The following TMEM40 variants were observed in gnomAD, a reference collection of about 807,000 sequenced individuals.
TMEM40 encodes the protein transmembrane protein 40.
A neutral mutation model predicts 40.8 loss-of-function variants in TMEM40; 34 were observed. The observed-to-expected ratio is 0.83, with a 90% CI of 0.63 to 1.11. The LOEUF is 1.11. Among genes scored for constraint, TMEM40 ranks in the 50% least tolerant of loss-of-function variants. The pLI, the probability that TMEM40 is intolerant of heterozygous loss-of-function variation, is 0.00. For synonymous variants in TMEM40, 106 were observed against 107.0 expected (o/e 0.99, Z 0.06); for missense variants, 296 against 280.2 (o/e 1.06, Z -0.40).
chr3:12,735,531 A>G, intron 11 of TMEM40, 24 bp downstream of exon 11: 3 of 1,609,266 alleles, frequency 1.9e-6, no homozygotes, highest in Non-Finnish European at 2.6e-6. Context: ...AAATGAGTGA[A>G]CACAGGAAGA....
chr3:12,740,356 C>G (rs2061372115), intron 5 of TMEM40, among the ~76,000 whole-genome samples: 1 of 151,148 alleles, frequency 6.6e-6, no homozygotes, highest in Non-Finnish European at 1.5e-5. Context: ...TCCCAAAGTG[C>G]TGGGATTACA....
Position 12,743,965 on chromosome 3 carries a change from G to A in TMEM40, c.236C>T (p.Pro79Leu), listed in dbSNP as rs138475655. Residue 79 changes from proline (P) to leucine (L), a missense_variant, in exon 4 of 12, where the codon CCC becomes CTC. By Grantham distance (98) the Pro-to-Leu change is moderately conservative. Coordinates refer to ENST00000314124, the MANE Select transcript of TMEM40 (RefSeq NM_018306.4). ...CCGTCGATGTTTTCCGGTTGCTCTG[G>A]GTTGCTGGTCCTCATCATTGCTCTC... ...SSESNDEDQQ[P>L]RATGKHRRSL... is the part of the protein sequence containing the mutation. 1 of 1,613,196 alleles carries A rather than the reference G, an allele frequency of 6.2e-7. No homozygotes were observed. Among genetic ancestry groups the A allele is most frequent in the South Asian group, 1.1e-5 (1 of 90,648 alleles).
At chr3:12,757,085 A>G (rs553936123) in intron 1 of TMEM40, among the ~76,000 whole-genome samples, 1 of 152,168 alleles carries the variant, frequency 6.6e-6, no homozygotes, top group Admixed American at 6.5e-5. Context: ...CTCAACATAC[A>G]GTGACAAATA....
intron 1 of TMEM40, among the ~76,000 whole-genome samples, chr3:12,757,464 C>T (rs1309279901): frequency 4.2e-5 from 6 of 141,854 alleles, no homozygotes; most frequent in Middle Eastern, 3.4e-3. Flanking sequence ...ACTGAAACTC[C>T]GTCTCAAAAA....
At chr3:12,739,299 T>C (rs182102547) in intron 5 of TMEM40, 1 of 152,192 alleles carries the variant, frequency 6.6e-6, no homozygotes, top group East Asian at 1.9e-4. Flanking sequence ...ATATATATTT[T>C]TTTGAGACAG....
chr3:12,747,148 G>C (rs1366055750), intron 3 of TMEM40, among the ~76,000 whole-genome samples: 2 of 151,774 alleles, frequency 1.3e-5, no homozygotes, highest in Non-Finnish European at 2.9e-5. Flanking sequence ...TTTGGGCCTT[G>C]GTCTCAGCAT....
intron 1 of TMEM40, among the ~76,000 whole-genome samples, chr3:12,767,966 T>G (rs184410906): frequency 1.3e-5 from 2 of 152,142 alleles, no homozygotes; most frequent in Admixed American, 1.3e-4. Context: ...AGGACCATCA[T>G]TGCCCCTCAG....
intron 1 of TMEM40, among the ~76,000 whole-genome samples, chr3:12,755,237 T>TCTCTCTC (rs1559533397): frequency 6.4e-5 from 3 of 46,598 alleles, no homozygotes; most frequent in African/African-American, 2.6e-4. Context: ...CTCTCTCTCT[T>TCTCTCTC]TCTTTCTTTC....
At chr3:12,743,375 G>A (rs1202831922) in intron 4 of TMEM40, among the ~76,000 whole-genome samples, 1 of 152,186 alleles carries the variant, frequency 6.6e-6, no homozygotes, top group African/African-American at 2.4e-5. Flanking sequence ...GCTGAAGCGG[G>A]AGAATCACTT....
In TMEM40 at chr3:12,750,434, G is replaced by A. The variant is rs989128597; in HGVS notation, c.-8-594C>T. 4.6e-5 allele frequency among the ~76,000 whole-genome samples: 7 copies of A among 152,234 alleles called. No individual in the cohort carries two copies. In the East Asian group the frequency reaches 1.2e-3, roughly 25 times the overall value. Reference sequence around the variant, plus strand: ...CCACCTGCCACCTCTTGACAGCTACGTGCACAGGAAAGAAGTTTCTTTTAA... The same window carrying A: ...CCACCTGCCACCTCTTGACAGCTACATGCACAGGAAAGAAGTTTCTTTTAA... On this transcript the variant is annotated intron_variant, in intron 1 of 11. Transcript: ENST00000314124.
chr3:12,738,431 G>T (rs886536156), intron 6 of TMEM40, 122 bp downstream of exon 6: 2 of 1,174,106 alleles, frequency 1.7e-6, no homozygotes, highest in East Asian at 4.7e-5. Context: ...AAGTGGACCT[G>T]GGGCTCCTGT....
chr3:12,742,439 T>C lies in TMEM40; in HGVS notation c.355+15A>G, dbSNP rs1298921026. The C allele has an allele frequency of 8.1e-6, 13 of 1,612,914 alleles. No homozygotes were observed. The highest frequency in any genetic ancestry group is 1.3e-5 in the African/African-American group (1 of 74,898). On this transcript the variant is annotated intron_variant, in intron 5 of 11. Coordinates refer to ENST00000314124, the MANE Select transcript of TMEM40 (RefSeq NM_018306.4). ...GTCTAATTGTTTTCTCCAAAGCTAC[T>C]GGGCAACTGATTACCTCCATAGAGT...
At chr3:12,767,627 C>A (rs2061600128) in intron 1 of TMEM40, among the ~76,000 whole-genome samples, 1 of 152,186 alleles carries the variant, frequency 6.6e-6, no homozygotes, top group Non-Finnish European at 1.5e-5. Context: ...TCTCCATTCG[C>A]AGGGCAAAAG....
At chr3:12,750,574 T>C (rs1425657275) in intron 1 of TMEM40, among the ~76,000 whole-genome samples, 1 of 152,180 alleles carries the variant, frequency 6.6e-6, no homozygotes, top group African/African-American at 2.4e-5. Context: ...AGACCTTAAA[T>C]CTGAGAGGAG....
intron 1 of TMEM40, among the ~76,000 whole-genome samples, chr3:12,753,214 T>TCTTTCTTTCTTTC (rs1299507011): frequency 1.7e-4 from 11 of 66,150 alleles, no homozygotes; most frequent in African/African-American, 5.7e-4. Context: ...TTTCTTTCTT[T>TCTTTCTTTCTTTC]TTTTTTTTTT....
intron 1 of TMEM40, among the ~76,000 whole-genome samples, chr3:12,756,334 T>C (rs1183936762): frequency 1.3e-5 from 2 of 152,150 alleles, no homozygotes; most frequent in African/African-American, 2.4e-5. Flanking sequence ...TACATATCTA[T>C]GCATATGTAT....
At chr3:12,765,107 T>C (rs2061587974) in intron 1 of TMEM40, among the ~76,000 whole-genome samples, 1 of 152,118 alleles carries the variant, frequency 6.6e-6, no homozygotes, top group African/African-American at 2.4e-5. Flanking sequence ...TCCACCTCCC[T>C]TGGCCTCCTA....
intron 1 of TMEM40, among the ~76,000 whole-genome samples, chr3:12,754,188 T>C (rs1306878898): frequency 5.3e-5 from 8 of 152,088 alleles, no homozygotes; most frequent in Admixed American, 5.2e-4. Context: ...GGCGGGCACC[T>C]GTAGTCCCAG....
At chr3:12,763,806 C>G (rs1447797199), upstream of TMEM40, among the ~76,000 whole-genome samples, 1 of 152,148 alleles carries the variant, frequency 6.6e-6, no homozygotes, top group Non-Finnish European at 1.5e-5. Context: ...TTGGAACTCC[C>G]CAGTGACTTC....
Sources: allele counts gnomAD v4.1 joint callset (sites outside exome capture counted in the v4.1 genomes callset), GRCh38; gene constraint gnomAD v4.1.1; transcripts MANE v1.5; gene names NCBI Gene and HGNC (gene_info 2026-07-23, HGNC 2026-07-21).